Variants in BSPH1 observed in about 807,000 individuals in gnomAD.
The protein encoded by BSPH1 is binder of sperm 1.
Under a neutral mutation model 22.5 loss-of-function variants are expected in BSPH1, and 21 were observed. The observed-to-expected ratio is 0.93, with a 90% CI of 0.66 to 1.35. The LOEUF is 1.35. BSPH1 is among the 40% of genes most tolerant of loss of function. BSPH1 has a pLI of 0.00. For missense variants in BSPH1, 141 were observed against 154.2 expected (o/e 0.91, Z 0.45); for synonymous variants, 42 against 53.6 (o/e 0.78, Z 0.95).
intron 3 of BSPH1, 60 bp from the exon 4 acceptor site, chr19:47,977,564 G>A (rs761440464): frequency 1.0e-5 from 16 of 1,534,214 alleles, no homozygotes; most frequent in East Asian, 2.5e-5. Flanking sequence ...GTTATCAAGC[G>A]ACTGTCTTCC....
intron 5 of BSPH1, among the ~76,000 whole-genome samples, chr19:47,975,718 C>T (rs374308690): frequency 5.2e-4 from 75 of 143,070 alleles, no homozygotes; most frequent in African/African-American, 1.6e-3. Context: ...TGCAGTGGTG[C>T]GATCTCGGCT....
At chr19:47,977,641 C>G in intron 3 of BSPH1, 137 bp from the exon 4 acceptor site, 1 of 1,428,272 alleles carries the variant, frequency 7.0e-7, no homozygotes, top group South Asian at 1.6e-5. Flanking sequence ...TTGTGCTACT[C>G]AATAGCAGAG....
At chr19:47,968,432 A>G (rs1339028206) in intron 5 of BSPH1, among the ~76,000 whole-genome samples, 1 of 149,210 alleles carries the variant, frequency 6.7e-6, no homozygotes, top group Non-Finnish European at 1.5e-5. Flanking sequence ...ATCTCAGCTC[A>G]TTGCAACCTC....
intron 1 of BSPH1, among the ~76,000 whole-genome samples, chr19:47,983,943 T>G (rs1969443811): frequency 6.7e-6 from 1 of 149,694 alleles, no homozygotes; most frequent in Non-Finnish European, 1.5e-5. Context: ...TTCCAGGGAG[T>G]CTTCTGCCTC....
chr19:47,970,731 T>C (rs1969304166), intron 5 of BSPH1, among the ~76,000 whole-genome samples: 1 of 152,192 alleles, frequency 6.6e-6, no homozygotes, highest in African/African-American at 2.4e-5. Context: ...GTCCTATTAA[T>C]AGTGGACCTG....
intron 1 of BSPH1, among the ~76,000 whole-genome samples, chr19:47,989,327 G>A (rs1381504916): frequency 6.6e-6 from 1 of 151,714 alleles, no homozygotes; most frequent in African/African-American, 2.4e-5. Context: ...TGTATTTTTA[G>A]TAGAGACGGG....
intron 5 of BSPH1, among the ~76,000 whole-genome samples, chr19:47,973,226 ATAATAAT>A (rs1969328589): frequency 9.8e-6 from 1 of 101,688 alleles, no homozygotes; most frequent in African/African-American, 3.4e-5. Context: ...CAAAATAATA[ATAATAAT>A]AATAATAATA....
chr19:47,986,831 C>T (rs1266547760), intron 1 of BSPH1, among the ~76,000 whole-genome samples: 1 of 152,170 alleles, frequency 6.6e-6, no homozygotes, highest in Non-Finnish European at 1.5e-5. Flanking sequence ...CATTTATTGT[C>T]TCACAGATCT....
downstream of BSPH1, among the ~76,000 whole-genome samples, chr19:47,967,482 C>G (rs1343025827): frequency 1.3e-5 from 2 of 152,176 alleles, no homozygotes; most frequent in African/African-American, 4.8e-5. Context: ...GGTAGAAGTA[C>G]AGGATCAAGG....
intron 5 of BSPH1, among the ~76,000 whole-genome samples, chr19:47,976,106 C>G (rs901237539): frequency 3.9e-5 from 6 of 152,144 alleles, no homozygotes; most frequent in African/African-American, 7.2e-5. Flanking sequence ...ATTGATGAAT[C>G]TACATTGACA....
intron 1 of BSPH1, among the ~76,000 whole-genome samples, chr19:47,987,101 G>A (rs183682133): frequency 1.3e-5 from 2 of 152,114 alleles, no homozygotes; most frequent in Non-Finnish European, 2.9e-5. Context: ...CTTAATTACC[G>A]ACATCTGCAA....
chr19:47,986,610 T>G (rs1969473356), intron 1 of BSPH1, among the ~76,000 whole-genome samples: 1 of 152,010 alleles, frequency 6.6e-6, no homozygotes, highest in South Asian at 2.1e-4. Context: ...CTGGGCATGG[T>G]GGCGTGCACC....
intron 3 of BSPH1, among the ~76,000 whole-genome samples, chr19:47,978,011 T>TATATATATATAG: frequency 9.5e-6 from 1 of 105,076 alleles, no homozygotes; most frequent in Middle Eastern, 5.6e-3. Context: ...GATATATATA[T>TATATATATATAG]ATATATATAT....
At chr19:47,968,678 T>A (rs1178227050) in intron 5 of BSPH1, among the ~76,000 whole-genome samples, 3 of 90,066 alleles carry the variant, frequency 3.3e-5, no homozygotes, top group Non-Finnish European at 6.4e-5. Context: ...CAAGACCCTG[T>A]CTTAAAAAAA....
At chr19:47,981,071 T>G (rs1600089258) in intron 1 of BSPH1, 130 bp from the exon 2 acceptor site, 1 of 487,714 alleles carries the variant, frequency 2.1e-6, no homozygotes, top group Non-Finnish European at 3.7e-6. Flanking sequence ...CAATAGAGCT[T>G]ATTTTTAGTA....
intron 1 of BSPH1, among the ~76,000 whole-genome samples, chr19:47,984,419 A>G (rs1469228777): frequency 6.6e-6 from 1 of 151,784 alleles, no homozygotes; most frequent in East Asian, 1.9e-4. Context: ...CTGCATCCCA[A>G]TTCTTTTCAT....
In BSPH1 at chr19:47,986,753, A is replaced by G. The variant is rs562600467; in HGVS notation, c.73+5256T>C. Among the ~76,000 whole-genome samples, 11 of 151,974 alleles carry G rather than the reference A, an allele frequency of 7.2e-5. No individual in the cohort carries two copies. The South Asian group carries it at 1.9e-3, about 26-fold the overall frequency. On this transcript the variant is annotated intron_variant, in intron 1 of 5. Coordinates refer to ENST00000344839, the MANE Select transcript of BSPH1 (RefSeq NM_001128326.2). ...GAATGAGACCCTATCTAAAAATAAAATAAAATAAAATAAAAATAAAAAAAA... is the reference window on the plus strand; with the variant it reads ...GAATGAGACCCTATCTAAAAATAAAGTAAAATAAAATAAAAATAAAAAAAA...
At chr19:47,975,780 T>C (rs985986015) in intron 5 of BSPH1, among the ~76,000 whole-genome samples, 3 of 151,312 alleles carry the variant, frequency 2.0e-5, no homozygotes, top group African/African-American at 4.9e-5. Flanking sequence ...CTCAGCCTCC[T>C]GAGTAGCTGG....
intron 5 of BSPH1, among the ~76,000 whole-genome samples, chr19:47,974,798 A>G (rs1236347702): frequency 3.9e-5 from 1 of 25,972 alleles, no homozygotes; most frequent in Admixed American, 2.6e-4. Flanking sequence ...TTGAGCGTGC[A>G]GTAAGCTTCC....
Sources: gnomAD v4.1 joint callset for allele counts (sites outside exome capture counted in the v4.1 genomes callset) on GRCh38, gnomAD v4.1.1 for gene constraint, MANE v1.5 for transcripts, NCBI Gene and HGNC (gene_info 2026-07-23, HGNC 2026-07-21) for gene names.